Variants in RGS10 observed in about 807,000 individuals in gnomAD.
RGS10 encodes regulator of G protein signaling 10.
In RGS10, 11 loss-of-function variants were observed where a neutral mutation model predicts 23.5. That is an observed-to-expected ratio of 0.47 (90% confidence interval 0.29 to 0.77). The LOEUF (loss-of-function observed/expected upper bound fraction) is 0.77. RGS10 is among the 30% of genes least tolerant of loss of function. The pLI, the probability that RGS10 is intolerant of heterozygous loss-of-function variation, is 0.08. For missense variants in RGS10, 180 were observed against 226.3 expected (o/e 0.80, Z 1.31); for synonymous variants, 77 against 83.2 (o/e 0.92, Z 0.41).
chr10:119,506,714 T>TA lies in RGS10; in HGVS notation c.400-6456_400-6455insT, dbSNP rs1436457610. ...CCCCAAATACTTTTATTTATTTATT[T>TA]TTTTTGAGACGGAGTCTCACTCTGT... On this transcript the variant is annotated intron_variant, in intron 4 of 4. Transcript: ENST00000369103. Among the ~76,000 whole-genome samples, 53 of 152,194 alleles carry TA rather than the reference T, an allele frequency of 3.5e-4. 1 individual carries two copies. Among genetic ancestry groups the TA allele is most frequent in the South Asian group, 2.5e-3 (12 of 4,832 alleles).
chr10:119,540,206 G>A (rs538925498), intron 1 of RGS10, among the ~76,000 whole-genome samples: 1 of 152,118 alleles, frequency 6.6e-6, no homozygotes, highest in Non-Finnish European at 1.5e-5. Flanking sequence ...ATGATGTTTA[G>A]TGGCTGATCT....
chr10:119,504,078 G>C (rs1237369791), intron 4 of RGS10, among the ~76,000 whole-genome samples: 1 of 152,226 alleles, frequency 6.6e-6, no homozygotes, highest in Non-Finnish European at 1.5e-5. Context: ...AAAAACGAGG[G>C]CTGCAAAGAG....
intron 3 of RGS10, chr10:119,516,251 CA>C (rs34362335): frequency 4.0e-4 from 53 of 133,966 alleles, no homozygotes; most frequent in Non-Finnish European, 3.1e-4. Flanking sequence ...GACTGTCTCT[CA>C]AAAAAAAAAA....
intron 3 of RGS10, among the ~76,000 whole-genome samples, chr10:119,525,109 T>C (rs1844259174): frequency 6.6e-6 from 1 of 152,102 alleles, no homozygotes; most frequent in African/African-American, 2.4e-5. Flanking sequence ...AATCATCTGG[T>C]TTCACGTAAG....
intron 1 of RGS10, among the ~76,000 whole-genome samples, chr10:119,531,850 G>A (rs1844332089): frequency 6.6e-6 from 1 of 152,068 alleles, no homozygotes; most frequent in African/African-American, 2.4e-5. Flanking sequence ...TGGTCTCCTG[G>A]GCTAAGATCT....
chr10:119,515,273 T>G, intron 4 of RGS10: 1 of 536,688 alleles, frequency 1.9e-6, no homozygotes, highest in Non-Finnish European at 3.4e-6. Context: ...TAAACTGGTC[T>G]AAACTGTGTG....
chr10:119,514,826 G>T (rs887152684), intron 4 of RGS10, among the ~76,000 whole-genome samples: 2 of 152,024 alleles, frequency 1.3e-5, no homozygotes, highest in African/African-American at 2.4e-5. Flanking sequence ...TCCAGGGTGG[G>T]GTCGATATCC....
At chr10:119,519,582 T>C (rs1434943568) in intron 3 of RGS10, among the ~76,000 whole-genome samples, 1 of 111,318 alleles carries the variant, frequency 9.0e-6, no homozygotes, top group South Asian at 3.6e-4. Flanking sequence ...TCTCCCAGCT[T>C]CTGTCTCCCT....
chr10:119,520,711 C>T (rs1432485399), intron 3 of RGS10, among the ~76,000 whole-genome samples: 1 of 150,990 alleles, frequency 6.6e-6, no homozygotes, highest in Admixed American at 6.6e-5. Flanking sequence ...AGGCTTATGG[C>T]CCCCCAGGAA....
intron 1 of RGS10, among the ~76,000 whole-genome samples, chr10:119,535,902 C>A (rs1394689471): frequency 6.6e-6 from 1 of 152,200 alleles, no homozygotes; most frequent in Admixed American, 6.5e-5. Flanking sequence ...AGAAAGTACA[C>A]ACCCCACAAA....
At chr10:119,534,298 AATAAAT>A (rs1844362378) in intron 1 of RGS10, among the ~76,000 whole-genome samples, 1 of 106,352 alleles carries the variant, frequency 9.4e-6, no homozygotes, top group Non-Finnish European at 2.5e-5. Flanking sequence ...TAAATAAATA[AATAAAT>A]AAAAAAGGCC....
chr10:119,526,224 G>A, intron 2 of RGS10, 106 bp from the exon 3 acceptor site: 1 of 560,908 alleles, frequency 1.8e-6, no homozygotes, highest in Non-Finnish European at 3.1e-6. Context: ...CAACAGAGGA[G>A]CATGGTTCAG....
rs1314800884 is a variant in RGS10 at position 119,538,376 on chromosome 10, A to G, written c.49+4214T>C. Among the ~76,000 whole-genome samples, 1 of 152,156 alleles carries G rather than the reference A, an allele frequency of 6.6e-6. No homozygotes were observed. Among genetic ancestry groups the G allele is most frequent in the Non-Finnish European group, 1.5e-5 (1 of 68,032 alleles). On this transcript the variant is annotated intron_variant, in intron 1 of 4. Transcript: ENST00000369103. This position sits in a 1 kb window ranked among gnomAD's most constrained non-coding sequence, Gnocchi z 4.5. ...CTGCAGCCCTTGAGGGAGAAATGAA[A>G]TGGTTCCCTCCTGCTCAGACAAGCT...
In RGS10 at chr10:119,508,584, T is replaced by C. The variant is rs539771168; in HGVS notation, c.399+6925A>G. Among the ~76,000 whole-genome samples the C allele has an allele frequency of 8.5e-5, 13 of 152,356 alleles. No individual in the cohort carries two copies. The South Asian group carries it at 2.3e-3, about 27-fold the overall frequency. The stretch of plus-strand genomic sequence containing the variant: ...AGAATTTTGTTTTAAATCTTTCATA[T>C]GGAACAACTTTAAGTCACTGAGCAG... On this transcript the variant is annotated intron_variant, in intron 4 of 4. Transcript: ENST00000369103.
In RGS10 at chr10:119,515,499, G is replaced by T. The variant is rs1402033481; in HGVS notation, c.399+10C>A. 6.2e-7 allele frequency: 1 copy of T among 1,613,946 alleles called. No individual in the cohort carries two copies. The highest frequency in any genetic ancestry group is 8.5e-7 in the Non-Finnish European group (1 of 1,179,968). On this transcript the variant is annotated intron_variant, in intron 4 of 4. Coordinates refer to ENST00000369103, the MANE Select transcript of RGS10 (RefSeq NM_001005339.2). ...TTCAAATCAAGGTGCAGGCAGGGAA[G>T]TCGGGTTACCTGGTCCTGGAGTTTC...
intron 1 of RGS10, among the ~76,000 whole-genome samples, chr10:119,530,767 G>A (rs1844323606): frequency 6.6e-6 from 1 of 152,236 alleles, no homozygotes; most frequent in Non-Finnish European, 1.5e-5. Flanking sequence ...CAAGGCTGCA[G>A]TGATCCATGA....
intron 4 of RGS10, among the ~76,000 whole-genome samples, chr10:119,514,648 A>G: frequency 8.9e-6 from 1 of 111,820 alleles, no homozygotes; most frequent in African/African-American, 3.5e-5. Flanking sequence ...ACAGAGTAAG[A>G]CTCGGTATTA....
At chr10:119,513,045 G>A (rs1301353608) in intron 4 of RGS10, among the ~76,000 whole-genome samples, 1 of 152,156 alleles carries the variant, frequency 6.6e-6, no homozygotes, top group Non-Finnish European at 1.5e-5. Context: ...CTATTTGGTG[G>A]TTATCTCCAA....
intron 1 of RGS10, among the ~76,000 whole-genome samples, chr10:119,537,615 T>C (rs572069900): frequency 2.6e-4 from 39 of 152,136 alleles, no homozygotes; most frequent in African/African-American, 9.4e-4. Context: ...CAGAGAAAGA[T>C]GCCAGAAATG....
Sources: gnomAD v4.1 joint callset for allele counts (sites outside exome capture counted in the v4.1 genomes callset) on GRCh38, gnomAD v4.1.1 for gene constraint, Gnocchi (gnomAD v3.1) non-coding constraint, MANE v1.5 for transcripts, NCBI Gene and HGNC (gene_info 2026-07-23, HGNC 2026-07-21) for gene names.